DOCK2: variants seen among roughly 807,000 people sequenced by gnomAD.
The protein encoded by DOCK2 is dedicator of cytokinesis 2, also known as dedicator of cytokinesis protein 2.
A neutral mutation model predicts 248.9 loss-of-function variants in DOCK2; 87 were observed. The observed-to-expected ratio is 0.35, with a 90% CI of 0.29 to 0.42. The LOEUF (loss-of-function observed/expected upper bound fraction) is 0.42. DOCK2 is among the 10% of genes least tolerant of loss of function. The pLI is 1.00. For synonymous variants in DOCK2, 805 were observed against 821.6 expected (o/e 0.98, Z 0.35); for missense variants, 1,747 against 2,300.2 (o/e 0.76, Z 4.92).
chr5:169,872,066 A>G (rs1339089343), intron 27 of DOCK2, among the ~76,000 whole-genome samples: 1 of 152,154 alleles, frequency 6.6e-6, no homozygotes, highest in Non-Finnish European at 1.5e-5. Context: ...ACTACACTCT[A>G]AGCAAGTTGG....
intron 38 of DOCK2, 35 bp from the exon 39 acceptor site, chr5:170,045,781 G>T (rs1396933059): frequency 1.2e-6 from 2 of 1,606,160 alleles, no homozygotes; most frequent in Non-Finnish European, 8.5e-7. Flanking sequence ...ACCCGGTGGT[G>T]CCACCTCACC....
In DOCK2 at chr5:169,871,172, G is replaced by T. The variant is rs1257791718; in HGVS notation, c.2799+30320G>T. ...CAAATATCATCACATGGGGCATTAGGAATTAATCTGAATTTGAAGGGTACA... is the reference window on the plus strand; with the variant it reads ...CAAATATCATCACATGGGGCATTAGTAATTAATCTGAATTTGAAGGGTACA... On this transcript the variant is annotated intron_variant, in intron 27 of 51. Coordinates refer to ENST00000520908, the MANE Select transcript of DOCK2 (RefSeq NM_004946.3). 1.1e-4 allele frequency among the ~76,000 whole-genome samples: 17 copies of T among 152,208 alleles called. No homozygotes were observed. In the East Asian group the frequency reaches 2.9e-3, roughly 26 times the overall value.
chr5:169,996,743 G>A (rs1561872636), intron 30 of DOCK2, among the ~76,000 whole-genome samples: 2 of 152,288 alleles, frequency 1.3e-5, no homozygotes, highest in Middle Eastern at 3.4e-3. Context: ...GGAGATGTGC[G>A]AGGGAAGGCC....
At chr5:169,837,184 A>G (rs1161391166) in intron 26 of DOCK2, among the ~76,000 whole-genome samples, 2 of 152,096 alleles carry the variant, frequency 1.3e-5, no homozygotes, top group East Asian at 1.9e-4. Context: ...AATCACTACA[A>G]TTTGCAGTGT....
intron 6 of DOCK2, among the ~76,000 whole-genome samples, chr5:169,679,457 T>C (rs942485930): frequency 6.6e-6 from 1 of 152,132 alleles, no homozygotes; most frequent in African/African-American, 2.4e-5. Flanking sequence ...CTCCCAAAGT[T>C]CCAAGTGATT....
intron 34 of DOCK2, among the ~76,000 whole-genome samples, chr5:170,028,821 C>A (rs1284172778): frequency 6.6e-6 from 1 of 152,024 alleles, no homozygotes; most frequent in Non-Finnish European, 1.5e-5. Context: ...CCTAGGCCAC[C>A]ATTACTCTGC....
chr5:170,065,956 T>TA (rs1554129624), intron 44 of DOCK2, among the ~76,000 whole-genome samples: 1 of 150,568 alleles, frequency 6.6e-6, no homozygotes, highest in African/African-American at 2.4e-5. Context: ...GAAAACTGTT[T>TA]TTTTTTTTTT....
intron 27 of DOCK2, among the ~76,000 whole-genome samples, chr5:169,928,357 C>A (rs2113673524): frequency 6.6e-6 from 1 of 152,386 alleles, no homozygotes; most frequent in South Asian, 2.1e-4. Context: ...GATGCCCTAT[C>A]TCCACCTGAA....
chr5:169,978,904 T>C (rs1402064228), intron 27 of DOCK2, among the ~76,000 whole-genome samples: 1 of 152,140 alleles, frequency 6.6e-6, no homozygotes, highest in African/African-American at 2.4e-5. Flanking sequence ...TTTTAAACCA[T>C]CCCAATCGGA....
intron 25 of DOCK2, among the ~76,000 whole-genome samples, chr5:169,802,271 C>G (rs754200113): frequency 1.3e-5 from 2 of 152,238 alleles, no homozygotes; most frequent in African/African-American, 2.4e-5. Context: ...AAGTGATTCT[C>G]CTGCCTCAGC....
chr5:169,955,830 C>T (rs191320528), intron 27 of DOCK2, among the ~76,000 whole-genome samples: 3 of 152,288 alleles, frequency 2.0e-5, no homozygotes, highest in African/African-American at 7.2e-5. Flanking sequence ...GAGGCTCCAT[C>T]GATTCAGTTC....
chr5:170,065,996 G>A (rs1224923209), intron 44 of DOCK2, among the ~76,000 whole-genome samples: 1 of 144,770 alleles, frequency 6.9e-6, no homozygotes, highest in African/African-American at 2.6e-5. Context: ...CTGTCGCCGA[G>A]GCTGGAGTGT....
At chr5:169,714,559 C>G in intron 19 of DOCK2, 102 bp downstream of exon 19, 2 of 1,268,852 alleles carry the variant, frequency 1.6e-6, no homozygotes, top group South Asian at 1.4e-5. Context: ...CATGGGGAAA[C>G]TTTTCTTCCA....
intron 25 of DOCK2, among the ~76,000 whole-genome samples, chr5:169,785,983 G>T (rs898773561): frequency 3.3e-5 from 5 of 152,156 alleles, no homozygotes; most frequent in Non-Finnish European, 5.9e-5. Context: ...AAAGTGACTG[G>T]TGGAACTGCA....
At chr5:169,989,904 T>A (rs1778164388) in intron 29 of DOCK2, among the ~76,000 whole-genome samples, 1 of 152,214 alleles carries the variant, frequency 6.6e-6, no homozygotes, top group African/African-American at 2.4e-5. Context: ...ACTACTTCAC[T>A]GAAGCAGCAA....
At chr5:170,052,505 C>G (rs1360839084) in intron 41 of DOCK2, among the ~76,000 whole-genome samples, 2 of 152,136 alleles carry the variant, frequency 1.3e-5, no homozygotes, top group African/African-American at 4.8e-5. Flanking sequence ...ATGTCCTTTT[C>G]TTGAGACTGA....
chr5:169,883,252 G>T, intron 27 of DOCK2: 1 of 1,551,620 alleles, frequency 6.4e-7, no homozygotes, highest in Non-Finnish European at 8.7e-7. Context: ...AGACTCTCTA[G>T]CTTCCCAGGA....
chr5:169,881,519 C>T (rs1772645850), intron 27 of DOCK2: 3 of 1,138,176 alleles, frequency 2.6e-6, no homozygotes, highest in Non-Finnish European at 3.9e-6. Flanking sequence ...CTACTTGTCC[C>T]TTAGTCCCTA....
intron 24 of DOCK2, among the ~76,000 whole-genome samples, chr5:169,760,285 AT>A (rs372278196): frequency 0.34 from 51,948 of 152,074 alleles, 10,545 homozygotes; most frequent in East Asian, 0.6. Flanking sequence ...TTTTTAAAAA[AT>A]GTATTGTAGT....
Sources: gnomAD v4.1 joint callset for allele counts (sites outside exome capture counted in the v4.1 genomes callset) on GRCh38, gnomAD v4.1.1 for gene constraint, MANE v1.5 for transcripts, NCBI Gene and HGNC (gene_info 2026-07-23, HGNC 2026-07-21) for gene names.